CTXND1: variants seen among roughly 807,000 people sequenced by gnomAD.
CTXND1 encodes cortexin domain containing 1.
intron 1 of CTXND1, among the ~76,000 whole-genome samples, chr15:80,218,647 T>C (rs1475897430): frequency 1.3e-5 from 2 of 151,956 alleles, no homozygotes. Context: ...GTTGATATTT[T>C]ATTTGAAATA....
chr15:80,222,837 A>G (rs891822560), intron 1 of CTXND1, among the ~76,000 whole-genome samples: 1 of 152,150 alleles, frequency 6.6e-6, no homozygotes, highest in African/African-American at 2.4e-5. Context: ...TTCTTTTACA[A>G]TGGATTCACA....
intron 1 of CTXND1, among the ~76,000 whole-genome samples, chr15:80,220,631 T>G (rs958321585): frequency 6.6e-5 from 10 of 152,318 alleles, no homozygotes; most frequent in Admixed American, 5.2e-4. Flanking sequence ...TAATTAATAA[T>G]GAATTATCAT....
At chr15:80,220,151 A>ATCT (rs1893299223) in intron 1 of CTXND1, among the ~76,000 whole-genome samples, 1 of 24,642 alleles carries the variant, frequency 4.1e-5, no homozygotes, top group African/African-American at 2.6e-4. Flanking sequence ...TCTATCATCT[A>ATCT]TCTATCTATC....
chr15:80,245,097 T>C (rs1277701813), intron 1 of CTXND1, among the ~76,000 whole-genome samples: 1 of 152,056 alleles, frequency 6.6e-6, no homozygotes, highest in Non-Finnish European at 1.5e-5. Context: ...CATGACTTTG[T>C]GGAATGCACT....
At chr15:80,248,381 G>A (rs908051973) in intron 1 of CTXND1, among the ~76,000 whole-genome samples, 48 of 152,294 alleles carry the variant, frequency 3.2e-4, no homozygotes, top group African/African-American at 7.7e-4. Context: ...TATAGGAGAC[G>A]CAGCGGAAAG....
intron 1 of CTXND1, among the ~76,000 whole-genome samples, chr15:80,211,992 G>A: frequency 6.6e-6 from 1 of 152,208 alleles, no homozygotes; most frequent in Non-Finnish European, 1.5e-5. Context: ...CTTCACCCAT[G>A]TGTATAGAGA....
At chr15:80,229,945 T>TGAA (rs1437311815) in intron 1 of CTXND1, among the ~76,000 whole-genome samples, 2 of 152,210 alleles carry the variant, frequency 1.3e-5, no homozygotes, top group Non-Finnish European at 2.9e-5. Flanking sequence ...GGCCCTGTGT[T>TGAA]GAAGTAAGGT....
chr15:80,221,007 C>T (rs1378903890), intron 1 of CTXND1, among the ~76,000 whole-genome samples: 1 of 151,434 alleles, frequency 6.6e-6, no homozygotes, highest in Non-Finnish European at 1.5e-5. Context: ...CTCCCGGGTT[C>T]ACGCCATTCT....
intron 1 of CTXND1, among the ~76,000 whole-genome samples, chr15:80,216,501 CTTTGCTGCAATAGCAAAAGTAA>C (rs1893255030): frequency 6.6e-6 from 1 of 152,306 alleles, no homozygotes; most frequent in African/African-American, 2.4e-5. Flanking sequence ...CTGTCATTTA[CTTTGCTGCAATAGCAAAAGTAA>C]TTTGAGCCTT....
chr15:80,210,032 G>T (rs1893189256), intron 1 of CTXND1, among the ~76,000 whole-genome samples: 2 of 152,214 alleles, frequency 1.3e-5, no homozygotes, highest in Admixed American at 1.3e-4. Context: ...TAGAAGATTA[G>T]AAACCTACTC....
rs556583688 is a variant in CTXND1 at position 80,234,199 on chromosome 15, T to C, written c.-218+17808A>G. ...TTACTTCAATGCATCTACAAACTTATTGGGGGAAGGCTTTGGGGATACGGA... is the reference window on the plus strand; with the variant it reads ...TTACTTCAATGCATCTACAAACTTACTGGGGGAAGGCTTTGGGGATACGGA... On this transcript the variant is annotated intron_variant, in intron 1 of 2. Transcript: ENST00000560778. Among the ~76,000 whole-genome samples, 25 of 152,244 alleles carry C rather than the reference T, an allele frequency of 1.6e-4. No homozygotes were observed. The South Asian group carries it at 2.1e-3, about 13-fold the overall frequency.
chr15:80,230,913 C>T (rs1326156351), intron 1 of CTXND1, among the ~76,000 whole-genome samples: 1 of 151,990 alleles, frequency 6.6e-6, no homozygotes, highest in African/African-American at 2.4e-5. Context: ...CAAAAATTAG[C>T]CGGGCAGGGT....
chr15:80,240,383 T>C (rs1156965906), intron 1 of CTXND1, among the ~76,000 whole-genome samples: 3 of 152,230 alleles, frequency 2.0e-5, no homozygotes, highest in Non-Finnish European at 4.4e-5. Context: ...TCTACCACTC[T>C]GTTTTCCTGT....
chr15:80,243,798 T>C (rs978403632), intron 1 of CTXND1, among the ~76,000 whole-genome samples: 1 of 152,198 alleles, frequency 6.6e-6, no homozygotes, highest in African/African-American at 2.4e-5. Context: ...TGAGTCTCTG[T>C]ACCCTTCTCA....
rs1326754591 is a variant in CTXND1 at position 80,252,155 on chromosome 15, A to G, written c.-366T>C. 6 of 151,238 alleles carry G rather than the reference A, an allele frequency of 4.0e-5. No homozygotes were observed. Among genetic ancestry groups the G allele is most frequent in the South Asian group, 2.1e-4 (1 of 4,734 alleles). The allele number at this position is 151,238 out of a possible 1,614,324, so 9.4% of individuals were successfully genotyped here. Reference sequence around the variant, plus strand: ...GGGCGCTGCCCAGGCCCGGCTCGGCAGGAGTCAGAGCCCCCAGCGGCGCGG... The same window carrying G: ...GGGCGCTGCCCAGGCCCGGCTCGGCGGGAGTCAGAGCCCCCAGCGGCGCGG... On this transcript the variant is annotated 5_prime_UTR_variant, in exon 1 of 3. Coordinates refer to ENST00000560778, the MANE Select transcript of CTXND1 (RefSeq NM_001352888.2).
At chr15:80,229,197 C>T (rs1481453742) in intron 1 of CTXND1, among the ~76,000 whole-genome samples, 1 of 152,120 alleles carries the variant, frequency 6.6e-6, no homozygotes, top group Non-Finnish European at 1.5e-5. Flanking sequence ...GTTTCTTTCC[C>T]ACAACCCTCC....
intron 1 of CTXND1, among the ~76,000 whole-genome samples, chr15:80,251,793 C>A (rs1893699829): frequency 6.6e-6 from 1 of 152,020 alleles, no homozygotes; most frequent in African/African-American, 2.4e-5. Flanking sequence ...CCGACCGAGG[C>A]GCGCCCCGGG....
chr15:80,204,647 G>GTATATATATATATATATATATATATATA (rs35359063), intron 1 of CTXND1, among the ~76,000 whole-genome samples: 23 of 131,378 alleles, frequency 1.8e-4, no homozygotes, highest in South Asian at 5.3e-4. Flanking sequence ...ATATTCCATT[G>GTATATATATATATATATATATATATATA]TATATATATA....
chr15:80,225,819 AT>A (rs1173124638), intron 1 of CTXND1, among the ~76,000 whole-genome samples: 1 of 152,112 alleles, frequency 6.6e-6, no homozygotes, highest in Non-Finnish European at 1.5e-5. Context: ...ATTAGAGGCC[AT>A]TTGTTCTAAT....
Sources: gnomAD v4.1 joint callset for allele counts (sites outside exome capture counted in the v4.1 genomes callset) on GRCh38, gnomAD v4.1.1 for gene constraint, MANE v1.5 for transcripts, NCBI Gene and HGNC (gene_info 2026-07-23, HGNC 2026-07-21) for gene names.